The following HS2ST1 variants were observed in gnomAD, a reference collection of about 807,000 sequenced individuals.
HS2ST1 encodes 2-O-sulfotransferase.
HS2ST1 carries 18 observed loss-of-function variants against 42.9 expected under a neutral mutation model. The observed-to-expected ratio is 0.42, with a 90% CI of 0.29 to 0.62. The LOEUF (loss-of-function observed/expected upper bound fraction) is 0.62, where lower values mean the gene tolerates loss of function less well. Ranked by LOEUF, HS2ST1 falls within the 20% of genes least tolerant of loss-of-function variation. The pLI, the probability that HS2ST1 is intolerant of heterozygous loss-of-function variation, is 0.21. For missense variants in HS2ST1, 334 were observed against 433.8 expected (o/e 0.77, Z 2.04); for synonymous variants, 146 against 152.9 (o/e 0.95, Z 0.33).
At chr1:87,063,821 A>G (rs1286979005) in intron 1 of HS2ST1, among the ~76,000 whole-genome samples, 1 of 152,142 alleles carries the variant, frequency 6.6e-6, no homozygotes, top group African/African-American at 2.4e-5. Context: ...GATTGTCTTT[A>G]TTCATTGAGT....
chr1:87,075,313 T>C (rs1218063249), intron 2 of HS2ST1, among the ~76,000 whole-genome samples: 1 of 151,824 alleles, frequency 6.6e-6, no homozygotes, highest in Non-Finnish European at 1.5e-5. Context: ...ATTATAGGCA[T>C]GCGCCACCAC....
intron 1 of HS2ST1, among the ~76,000 whole-genome samples, chr1:86,969,118 T>C (rs1648156235): frequency 6.6e-6 from 1 of 152,246 alleles, no homozygotes; most frequent in Non-Finnish European, 1.5e-5. Context: ...TAATACTTTA[T>C]CTTAATACTT....
At chr1:86,934,927 C>CAAAAAAAAAAAAAAAAAAAAAAA (rs35669188) in intron 1 of HS2ST1, 1 of 48,082 alleles carries the variant, frequency 2.1e-5, no homozygotes. Context: ...GACTCCATCC[C>CAAAAAAAAAAAAAAAAAAAAAAA]AAAAAAAAAA....
intron 1 of HS2ST1, chr1:86,992,970 T>C: frequency 8.4e-7 from 1 of 1,186,502 alleles, no homozygotes; most frequent in Middle Eastern, 2.1e-4. Flanking sequence ...TTTGTTCACA[T>C]TCTTCTTGGC....
At chr1:86,986,916 A>G (rs1648800349) in intron 1 of HS2ST1, among the ~76,000 whole-genome samples, 1 of 152,078 alleles carries the variant, frequency 6.6e-6, no homozygotes, top group South Asian at 2.1e-4. Context: ...GAAAAATAAT[A>G]ACACCACCTA....
chr1:86,974,395 C>T (rs943845084), intron 1 of HS2ST1, among the ~76,000 whole-genome samples: 1 of 152,178 alleles, frequency 6.6e-6, no homozygotes, highest in Non-Finnish European at 1.5e-5. Context: ...CCTCCTCTAC[C>T]TTGCCTTACA....
At chr1:86,916,765 A>G (rs542942644) in intron 1 of HS2ST1, among the ~76,000 whole-genome samples, 3 of 152,300 alleles carry the variant, frequency 2.0e-5, no homozygotes, top group South Asian at 4.1e-4. Flanking sequence ...CTACAGAAAA[A>G]AAGACTCCTC....
At chr1:86,944,190 A>G (rs551667152) in intron 1 of HS2ST1, among the ~76,000 whole-genome samples, 34 of 152,278 alleles carry the variant, frequency 2.2e-4, no homozygotes, top group African/African-American at 7.9e-4. Flanking sequence ...GAAGTTGTCC[A>G]GGAGAATTAA....
intron 1 of HS2ST1, among the ~76,000 whole-genome samples, chr1:86,939,173 TTATTA>T (rs1456885368): frequency 1.3e-4 from 20 of 152,250 alleles, no homozygotes; most frequent in African/African-American, 4.8e-4. Flanking sequence ...GTTTGGACTT[TTATTA>T]TATTTAAGGA....
intron 3 of HS2ST1, among the ~76,000 whole-genome samples, chr1:87,085,280 AT>A (rs1651794279): frequency 1.3e-5 from 2 of 152,156 alleles, no homozygotes; most frequent in Admixed American, 6.5e-5. Context: ...ACACACCTTG[AT>A]ATATTGGTCA....
intron 1 of HS2ST1, among the ~76,000 whole-genome samples, chr1:87,062,838 T>A (rs1482647917): frequency 6.6e-6 from 1 of 152,228 alleles, no homozygotes; most frequent in African/African-American, 2.4e-5. Flanking sequence ...TTGAAAAACA[T>A]TGTGCCACTT....
At chr1:87,023,904 C>A (rs1467107721) in intron 1 of HS2ST1, among the ~76,000 whole-genome samples, 1 of 151,580 alleles carries the variant, frequency 6.6e-6, no homozygotes, top group South Asian at 2.1e-4. Context: ...TGGGACATAT[C>A]CATAGTAGAA....
intron 3 of HS2ST1, among the ~76,000 whole-genome samples, chr1:87,086,828 C>T (rs1570539283): frequency 8.0e-6 from 1 of 124,576 alleles, no homozygotes; most frequent in African/African-American, 2.7e-5. Context: ...TTTCCTAGTT[C>T]TTCTTCCTTT....
chr1:87,038,589 TA>T (rs1306373581), intron 1 of HS2ST1, among the ~76,000 whole-genome samples: 1 of 152,184 alleles, frequency 6.6e-6, no homozygotes, highest in Non-Finnish European at 1.5e-5. Flanking sequence ...TGAATTACTG[TA>T]CTGCTTTAAA....
chr1:87,080,690 T>C (rs1193256300), intron 2 of HS2ST1, among the ~76,000 whole-genome samples: 5 of 152,202 alleles, frequency 3.3e-5, no homozygotes, highest in African/African-American at 4.8e-5. Context: ...CACAGTCTTA[T>C]ATCTCCTATA....
intron 1 of HS2ST1, among the ~76,000 whole-genome samples, chr1:86,936,387 A>G (rs546999703): frequency 6.6e-6 from 1 of 152,194 alleles, no homozygotes; most frequent in Non-Finnish European, 1.5e-5. Flanking sequence ...TTTTTGTATA[A>G]TAGTCCTCGA....
chr1:86,972,219 C>T (rs1478699929), intron 1 of HS2ST1, among the ~76,000 whole-genome samples: 7 of 152,154 alleles, frequency 4.6e-5, no homozygotes. Context: ...CTAGGTTTCA[C>T]TTTCTCTAGT....
chr1:87,025,992 G>A (rs1439655359), intron 1 of HS2ST1, among the ~76,000 whole-genome samples: 2 of 152,166 alleles, frequency 1.3e-5, no homozygotes, highest in African/African-American at 4.8e-5. Context: ...AAAAGATACT[G>A]TGTTAAAAAA....
intron 1 of HS2ST1, among the ~76,000 whole-genome samples, chr1:86,990,046 A>G (rs1648897856): frequency 6.6e-6 from 1 of 152,018 alleles, no homozygotes; most frequent in Admixed American, 6.6e-5. Flanking sequence ...ATGTGTCTTT[A>G]TAGTAGAATG....
Sources: gnomAD v4.1 joint callset for allele counts (sites outside exome capture counted in the v4.1 genomes callset) on GRCh38, gnomAD v4.1.1 for gene constraint, MANE v1.5 for transcripts, NCBI Gene and HGNC (gene_info 2026-07-23, HGNC 2026-07-21) for gene names.